The following DLGAP2 variants were observed in gnomAD, a reference collection of about 807,000 sequenced individuals.
The protein encoded by DLGAP2 is DLG associated protein 2.
Under a neutral mutation model 100.3 loss-of-function variants are expected in DLGAP2, and 26 were observed. That is an observed-to-expected ratio of 0.26 (90% CI 0.19 to 0.36). The LOEUF (loss-of-function observed/expected upper bound fraction) is 0.36, where lower values mean the gene tolerates loss of function less well. Among genes scored for constraint, DLGAP2 ranks in the 10% least tolerant of loss-of-function variants. The pLI is 1.00. For synonymous variants in DLGAP2, 886 were observed against 630.1 expected (o/e 1.41, Z -6.08); for missense variants, 1,858 against 1,453.2 (o/e 1.28, Z -4.53).
chr8:1,661,974 G>A (rs537933712), intron 8 of DLGAP2, among the ~76,000 whole-genome samples: 12 of 152,188 alleles, frequency 7.9e-5, no homozygotes, highest in South Asian at 4.2e-4. Context: ...GGAAGAACAC[G>A]GTCACGCTCC....
intron 3 of DLGAP2, among the ~76,000 whole-genome samples, chr8:1,277,378 A>T (rs1205282944): frequency 6.6e-6 from 1 of 152,182 alleles, no homozygotes; most frequent in Non-Finnish European, 1.5e-5. Flanking sequence ...ACTAAGCACT[A>T]AGGATGCAGA....
chr8:1,421,500 G>A (rs1254322520), intron 3 of DLGAP2, among the ~76,000 whole-genome samples: 1 of 152,102 alleles, frequency 6.6e-6, no homozygotes, highest in East Asian at 1.9e-4. Context: ...TACGTACTCA[G>A]CCTTTCTATA....
intron 7 of DLGAP2, among the ~76,000 whole-genome samples, chr8:1,627,464 C>A (rs951941314): frequency 2.6e-5 from 4 of 152,192 alleles, no homozygotes; most frequent in Non-Finnish European, 4.4e-5. Flanking sequence ...CCCCCTGCTC[C>A]CCACCTGTGG....
chr8:1,251,803 C>T (rs866055231), intron 2 of DLGAP2, among the ~76,000 whole-genome samples: 18 of 152,182 alleles, frequency 1.2e-4, no homozygotes, highest in African/African-American at 1.7e-4. Flanking sequence ...AGTCACGTCA[C>T]GTCATCGCAC....
chr8:1,554,305 TA>T (rs1801882165), intron 5 of DLGAP2, among the ~76,000 whole-genome samples: 2 of 36,806 alleles, frequency 5.4e-5, no homozygotes, highest in African/African-American at 4.8e-4. Flanking sequence ...ATAAATTAAT[TA>T]AATAAATAAA....
intron 14 of DLGAP2, 29 bp from the exon 15 acceptor site, chr8:1,701,159 T>C (rs1183705121): frequency 6.5e-7 from 1 of 1,546,836 alleles, no homozygotes; most frequent in Non-Finnish European, 8.7e-7. Flanking sequence ...TCCGAGCACC[T>C]GCCAACGGTG....
chr8:1,379,219 C>G (rs1441791644), intron 3 of DLGAP2, among the ~76,000 whole-genome samples: 2 of 152,266 alleles, frequency 1.3e-5, no homozygotes, highest in African/African-American at 4.8e-5. Context: ...CCTGCCTTCG[C>G]AAATTTTAGC....
intron 2 of DLGAP2, chr8:910,307 G>A (rs1798459561): frequency 6.6e-6 from 1 of 152,174 alleles, no homozygotes; most frequent in Non-Finnish European, 1.5e-5. Context: ...TCATGTTTCT[G>A]AATTAAACAT....
intron 2 of DLGAP2, among the ~76,000 whole-genome samples, chr8:1,054,754 G>A (rs1048893720): frequency 2.0e-5 from 3 of 152,104 alleles, no homozygotes; most frequent in Admixed American, 6.5e-5. Flanking sequence ...TTGGTGTCAC[G>A]CTGTTGCACT....
At chr8:776,415 C>T (rs1373268640) in intron 1 of DLGAP2, among the ~76,000 whole-genome samples, 1 of 151,990 alleles carries the variant, frequency 6.6e-6, no homozygotes, top group Admixed American at 6.6e-5. Context: ...TTTGCTCTTG[C>T]TTTTCTAGTT....
At chr8:899,331 CT>C (rs1798206931) in intron 1 of DLGAP2, among the ~76,000 whole-genome samples, 1 of 152,240 alleles carries the variant, frequency 6.6e-6, no homozygotes, top group Non-Finnish European at 1.5e-5. Context: ...GAGACGTCCC[CT>C]GAGCAGCCTA....
intron 6 of DLGAP2, among the ~76,000 whole-genome samples, chr8:1,618,992 C>T (rs1023595400): frequency 6.6e-6 from 1 of 152,152 alleles, no homozygotes; most frequent in Non-Finnish European, 1.5e-5. Flanking sequence ...CAAAATAGAT[C>T]CGTGTGACAG....
chr8:959,598 C>T lies in DLGAP2; in HGVS notation c.73+51632C>T, dbSNP rs1350198695. Among the ~76,000 whole-genome samples the T allele has an allele frequency of 3.9e-5, 6 of 152,212 alleles. No individual in the cohort carries two copies. In the East Asian group the frequency reaches 1.2e-3, roughly 29 times the overall value. Reference sequence around the variant, plus strand: ...ACTGGGATGTGAGTCCACTGGGCAACACTCTTCATTCCATTGAACTTGAGT... The same window carrying T: ...ACTGGGATGTGAGTCCACTGGGCAATACTCTTCATTCCATTGAACTTGAGT... On this transcript the variant is annotated intron_variant, in intron 2 of 14. Coordinates refer to ENST00000637795, the MANE Select transcript of DLGAP2 (RefSeq NM_001346810.2).
chr8:1,244,656 G>T (rs1798867207), intron 2 of DLGAP2, among the ~76,000 whole-genome samples: 1 of 152,182 alleles, frequency 6.6e-6, no homozygotes, highest in African/African-American at 2.4e-5. Flanking sequence ...AGACCTAAAG[G>T]CAAGAGATAA....
chr8:1,367,036 A>C (rs1005629340), intron 3 of DLGAP2, among the ~76,000 whole-genome samples: 3 of 152,142 alleles, frequency 2.0e-5, no homozygotes, highest in Non-Finnish European at 4.4e-5. Context: ...TCCAACACAC[A>C]CACATGTGAC....
At chr8:1,065,311 A>G (rs1372181042) in intron 2 of DLGAP2, among the ~76,000 whole-genome samples, 2 of 152,238 alleles carry the variant, frequency 1.3e-5, no homozygotes, top group Non-Finnish European at 2.9e-5. Context: ...TGGCAGTAAA[A>G]TTCGCATTTT....
At chr8:1,663,613 G>C (rs924857360) in intron 8 of DLGAP2, among the ~76,000 whole-genome samples, 9 of 152,232 alleles carry the variant, frequency 5.9e-5, no homozygotes, top group Admixed American at 3.9e-4. Flanking sequence ...GGACCGAGAA[G>C]CCCCCCTTTC....
chr8:1,243,852 G>A (rs1798849631), intron 2 of DLGAP2, among the ~76,000 whole-genome samples: 1 of 152,174 alleles, frequency 6.6e-6, no homozygotes, highest in Non-Finnish European at 1.5e-5. Context: ...TCAGGCCCCT[G>A]AGTAACCTCA....
chr8:1,043,024 G>C (rs1420471721), intron 2 of DLGAP2, among the ~76,000 whole-genome samples: 4 of 147,818 alleles, frequency 2.7e-5, no homozygotes, highest in African/African-American at 1.0e-4. Context: ...GTGGGTGTGG[G>C]TGGTGGATGT....
Sources: allele counts gnomAD v4.1 joint callset (sites outside exome capture counted in the v4.1 genomes callset), GRCh38; gene constraint gnomAD v4.1.1; transcripts MANE v1.5; gene names NCBI Gene and HGNC (gene_info 2026-07-23, HGNC 2026-07-21).